The following CCDC6 variants were observed in gnomAD, a reference collection of about 807,000 sequenced individuals.
CCDC6 encodes coiled-coil domain-containing protein 6.
CCDC6 carries 20 observed loss-of-function variants against 56.6 expected under a neutral mutation model. That is an observed-to-expected ratio of 0.35 (90% CI 0.25 to 0.51). The LOEUF is 0.51. CCDC6 is among the 20% of genes least tolerant of loss of function. The pLI, the probability that CCDC6 is intolerant of heterozygous loss-of-function variation, is 0.95. For missense variants in CCDC6, 367 were observed against 601.1 expected (o/e 0.61, Z 4.07); for synonymous variants, 241 against 234.4 (o/e 1.03, Z -0.26).
chr10:59,904,177 G>T (rs1361892667), intron 1 of CCDC6, among the ~76,000 whole-genome samples: 1 of 74,812 alleles, frequency 1.3e-5, no homozygotes, highest in African/African-American at 3.4e-5. Flanking sequence ...AGTATATTCG[G>T]TTGGATGTCA....
chr10:59,807,671 A>T (rs1387450701), intron 5 of CCDC6, among the ~76,000 whole-genome samples: 1 of 152,230 alleles, frequency 6.6e-6, no homozygotes, highest in African/African-American at 2.4e-5. Flanking sequence ...AAGTGCTTTA[A>T]GTAGAAGAGG....
At position 59,906,204 on chromosome 10, in the gene CCDC6, T is replaced by A; in HGVS notation, c.221A>T (p.Lys74Met). The change falls in exon 1 of 9, where the codon AAG becomes ATG. Residue 74 changes from lysine to methionine, a missense_variant. Around this residue, in one of 7 missense-constraint regions of CCDC6, gnomAD observed 41 missense variants for 90.8 expected, o/e 0.45. Coordinates refer to ENST00000263102, the MANE Select transcript of CCDC6 (RefSeq NM_005436.5). Reference protein sequence around the residue: ...ASLQQENKVLKIELETYKLKC... With the variant: ...ASLQQENKVLMIELETYKLKC... The stretch of plus-strand genomic sequence containing the variant: ...CAGTTTGTAGGTCTCCAGCTCTATC[T>A]TCAGCACCTTGTTCTCTTGCTGCAG... The A allele has an allele frequency of 6.2e-7, 1 of 1,613,464 alleles. No individual in the cohort carries two copies. The highest frequency in any genetic ancestry group is 8.5e-7 in the Non-Finnish European group (1 of 1,179,748).
At position 59,791,201 on chromosome 10, in the gene CCDC6, T is replaced by C. The variant is rs774765957; in HGVS notation, c.*1716A>G. ...GTATTATGATTATGTATATTACACA[T>C]ACATTATAAATAAAATTTATATAGA... is the stretch of plus-strand genomic sequence containing the variant. On this transcript the variant is annotated 3_prime_UTR_variant, in exon 9 of 9. Coordinates refer to ENST00000263102, the MANE Select transcript of CCDC6 (RefSeq NM_005436.5). 1.6e-4 allele frequency: 31 copies of C among 194,522 alleles called. No homozygotes were observed. The highest frequency in any genetic ancestry group is 3.0e-4 in the Non-Finnish European group (28 of 93,440). 12.0% of individuals were successfully genotyped at this position (194,522 alleles called of 1,614,324 possible).
chr10:59,789,959 T>C lies in CCDC6; in HGVS notation c.*2958A>G, dbSNP rs2070453863. On this transcript the variant is annotated 3_prime_UTR_variant, in exon 9 of 9. Coordinates refer to ENST00000263102, the MANE Select transcript of CCDC6 (RefSeq NM_005436.5). ...ACTTGGTGTCAAAGCCACTTTCTGG[T>C]CACACATTCATTCCATGGTTGCTAG... The C allele has an allele frequency of 4.6e-6, 1 of 217,558 alleles. No homozygotes were observed. Among genetic ancestry groups the C allele is most frequent in the Non-Finnish European group, 9.3e-6 (1 of 107,898 alleles). 13.5% of individuals were successfully genotyped at this position (217,558 alleles called of 1,614,324 possible). A position where few individuals can be genotyped will look rare whatever the true frequency, so the allele number is the denominator to read the frequency against.
chr10:59,845,787 G>A (rs973674441), intron 2 of CCDC6, among the ~76,000 whole-genome samples: 2 of 152,168 alleles, frequency 1.3e-5, no homozygotes, highest in African/African-American at 4.8e-5. Context: ...AACAAGCCAG[G>A]AGGGCCACAG....
intron 3 of CCDC6, among the ~76,000 whole-genome samples, chr10:59,824,368 T>G (rs1376376798): frequency 1.3e-5 from 2 of 152,120 alleles, no homozygotes; most frequent in East Asian, 3.9e-4. Context: ...TTGAGTATGG[T>G]GTATTGACCC....
At chr10:59,798,809 A>G (rs2070547196) in intron 7 of CCDC6, among the ~76,000 whole-genome samples, 1 of 152,026 alleles carries the variant, frequency 6.6e-6, no homozygotes, top group Non-Finnish European at 1.5e-5. Flanking sequence ...CCTGACCAAC[A>G]TGGTGAAACC....
At chr10:59,883,589 T>A (rs930206383) in intron 1 of CCDC6, among the ~76,000 whole-genome samples, 18 of 152,184 alleles carry the variant, frequency 1.2e-4, no homozygotes, top group African/African-American at 4.3e-4. Context: ...ACTTAATGAA[T>A]CACAAAGTTT....
chr10:59,792,660 G>A lies in CCDC6; in HGVS notation c.*257C>T, dbSNP rs765743575. The A allele has an allele frequency of 2.7e-5, 20 of 733,236 alleles. No individual in the cohort carries two copies. The highest frequency in any genetic ancestry group is 3.5e-5 in the Admixed American group (2 of 57,858). 45.4% of individuals were successfully genotyped at this position (733,236 alleles called of 1,614,324 possible). A position where few individuals can be genotyped will look rare whatever the true frequency, so the allele number is the denominator to read the frequency against. On this transcript the variant is annotated 3_prime_UTR_variant, in exon 9 of 9. Coordinates refer to ENST00000263102, the MANE Select transcript of CCDC6 (RefSeq NM_005436.5). ...GCTGAAATACCAAATACCAAACAGC[G>A]AAGGTTCCAGCCAGGGAATGGACGT...
At chr10:59,876,079 T>TC (rs1483923622) in intron 1 of CCDC6, among the ~76,000 whole-genome samples, 1 of 130,366 alleles carries the variant, frequency 7.7e-6, no homozygotes, top group Non-Finnish European at 1.7e-5. Flanking sequence ...ATGTCTTTTT[T>TC]TTTTTTTTTT....
intron 2 of CCDC6, among the ~76,000 whole-genome samples, chr10:59,845,346 G>GTTTTTTTTTTTTT (rs151236986): frequency 1.0e-5 from 1 of 96,960 alleles, no homozygotes; most frequent in Non-Finnish European, 1.9e-5. Context: ...GCCCCTATGG[G>GTTTTTTTTTTTTT]TTTTTTTTTT....
chr10:59,895,913 G>A (rs2071459087), intron 1 of CCDC6, among the ~76,000 whole-genome samples: 1 of 152,196 alleles, frequency 6.6e-6, no homozygotes, highest in African/African-American at 2.4e-5. Context: ...CCTGTGGATA[G>A]GCGACCATGT....
At chr10:59,852,465 T>C (rs2071048437) in intron 2 of CCDC6, 88 bp downstream of exon 2, 2 of 1,082,126 alleles carry the variant, frequency 1.8e-6, no homozygotes, top group African/African-American at 3.3e-5. Context: ...CATCAGCAAA[T>C]GTTACAAGCA....
At chr10:59,796,979 A>C (rs2070526172) in intron 7 of CCDC6, among the ~76,000 whole-genome samples, 1 of 152,132 alleles carries the variant, frequency 6.6e-6, no homozygotes, top group African/African-American at 2.4e-5. Context: ...TCAAAAAAAA[A>C]AAAAAAAAAT....
At chr10:59,898,741 C>T (rs1364575591) in intron 1 of CCDC6, among the ~76,000 whole-genome samples, 1 of 152,214 alleles carries the variant, frequency 6.6e-6, no homozygotes, top group African/African-American at 2.4e-5. Context: ...ACAGCTGAAT[C>T]CTGCCTCTTT....
intron 2 of CCDC6, among the ~76,000 whole-genome samples, chr10:59,840,421 T>C (rs1162877681): frequency 6.6e-6 from 1 of 152,202 alleles, no homozygotes. Flanking sequence ...ATGGTGCATA[T>C]CTCTTCTCCC....
At chr10:59,877,641 A>C (rs1342316603) in intron 1 of CCDC6, among the ~76,000 whole-genome samples, 1 of 152,186 alleles carries the variant, frequency 6.6e-6, no homozygotes, top group Non-Finnish European at 1.5e-5. Flanking sequence ...GCACTGTCTA[A>C]ATTATCCCTC....
chr10:59,817,745 G>A (rs2070719634), intron 3 of CCDC6, among the ~76,000 whole-genome samples: 1 of 152,202 alleles, frequency 6.6e-6, no homozygotes, highest in Admixed American at 6.5e-5. Context: ...TGAGGCATGT[G>A]ACTCTGAGCA....
chr10:59,904,171 T>C (rs1020581000), intron 1 of CCDC6, among the ~76,000 whole-genome samples: 2 of 114,318 alleles, frequency 1.7e-5, no homozygotes, highest in Admixed American at 2.1e-4. Flanking sequence ...TCACAAAGTA[T>C]ATTCGGTTGG....
Sources: allele counts gnomAD v4.1 joint callset (sites outside exome capture counted in the v4.1 genomes callset), GRCh38; gene constraint gnomAD v4.1.1; regional missense constraint gnomAD v4.1.1; transcripts MANE v1.5; gene names NCBI Gene and HGNC (gene_info 2026-07-23, HGNC 2026-07-21).